Variants in DOK6 observed in about 807,000 individuals in gnomAD.
DOK6 encodes downstream of tyrosine kinase 6.
A neutral mutation model predicts 44.0 loss-of-function variants in DOK6; 22 were observed. The observed-to-expected ratio is 0.50, with a 90% confidence interval of 0.36 to 0.71. DOK6 has a LOEUF of 0.71. Ranked by LOEUF, DOK6 falls within the 30% of genes least tolerant of loss-of-function variation. The probability of loss-of-function intolerance (pLI) is 0.00; values close to 1 mark genes in which losing one functional copy is unlikely to be tolerated. For synonymous variants in DOK6, 166 were observed against 145.5 expected (o/e 1.14, Z -1.01); for missense variants, 340 against 416.4 (o/e 0.82, Z 1.60).
chr18:69,641,438 T>A (rs907044057), intron 3 of DOK6, among the ~76,000 whole-genome samples: 2 of 152,110 alleles, frequency 1.3e-5, no homozygotes, highest in Non-Finnish European at 2.9e-5. Context: ...ATTGGAAAAA[T>A]TGGATAAAAA....
intron 2 of DOK6, among the ~76,000 whole-genome samples, chr18:69,578,601 T>C (rs2050696149): frequency 6.6e-6 from 1 of 152,238 alleles, no homozygotes; most frequent in African/African-American, 2.4e-5. Context: ...TTAGATCCAA[T>C]GCTTTTCATT....
At chr18:69,602,534 T>C (rs1204354466) in intron 3 of DOK6, among the ~76,000 whole-genome samples, 2 of 152,174 alleles carry the variant, frequency 1.3e-5, no homozygotes, top group Non-Finnish European at 2.9e-5. Context: ...AAGAGGACAA[T>C]AAGTAAACAC....
intron 1 of DOK6, among the ~76,000 whole-genome samples, chr18:69,530,684 C>G (rs911005496): frequency 3.9e-5 from 6 of 152,114 alleles, no homozygotes; most frequent in Admixed American, 6.5e-5. Context: ...TTACTTCCAA[C>G]TATGTGGTCA....
At chr18:69,603,299 C>T (rs1261879098) in intron 3 of DOK6, among the ~76,000 whole-genome samples, 1 of 152,178 alleles carries the variant, frequency 6.6e-6, no homozygotes, top group Non-Finnish European at 1.5e-5. Flanking sequence ...ACACTGATTT[C>T]ATAGCGCAAA....
At chr18:69,606,340 A>C (rs1343122650) in intron 3 of DOK6, among the ~76,000 whole-genome samples, 1 of 151,624 alleles carries the variant, frequency 6.6e-6, no homozygotes, top group Non-Finnish European at 1.5e-5. Context: ...TTCCCAAGGA[A>C]TTCTAAAATT....
intron 5 of DOK6, among the ~76,000 whole-genome samples, chr18:69,721,749 A>G (rs1051362919): frequency 1.3e-5 from 2 of 152,230 alleles, no homozygotes; most frequent in African/African-American, 4.8e-5. Flanking sequence ...TATTTCATAC[A>G]TTAATGAGAA....
intron 2 of DOK6, among the ~76,000 whole-genome samples, chr18:69,594,835 AAAAG>A (rs1204001972): frequency 2.0e-5 from 3 of 152,228 alleles, no homozygotes; most frequent in Admixed American, 2.0e-4. Context: ...ACGTGAAAAA[AAAAG>A]AAAAGAAAAA....
intron 7 of DOK6, among the ~76,000 whole-genome samples, chr18:69,781,919 G>A (rs991906717): frequency 6.6e-6 from 1 of 152,012 alleles, no homozygotes; most frequent in Non-Finnish European, 1.5e-5. Flanking sequence ...GCAAAAGAGA[G>A]ATTTCATTAA....
chr18:69,848,918 T>C lies in DOK6; in HGVS notation c.*7535T>C, dbSNP rs2145148248. 1 of 152,324 alleles carries C rather than the reference T, an allele frequency of 6.6e-6. No homozygotes were observed. The highest frequency in any genetic ancestry group is 2.4e-5 in the African/African-American group (1 of 41,572). 9.4% of individuals were successfully genotyped at this position (152,324 alleles called of 1,614,324 possible). A position where few individuals can be genotyped will look rare whatever the true frequency, so the allele number is the denominator to read the frequency against. ...TTATTTCATAAAGCTAACACTGTAATATTACTTGGTTTTCTTATACTTTTG... is the reference window on the plus strand; with the variant it reads ...TTATTTCATAAAGCTAACACTGTAACATTACTTGGTTTTCTTATACTTTTG... On this transcript the variant is annotated 3_prime_UTR_variant, in exon 8 of 8. Coordinates refer to ENST00000382713, the MANE Select transcript of DOK6 (RefSeq NM_152721.6).
intron 4 of DOK6, among the ~76,000 whole-genome samples, chr18:69,683,384 A>G (rs1446065808): frequency 6.6e-6 from 1 of 152,228 alleles, no homozygotes; most frequent in African/African-American, 2.4e-5. Context: ...ATAACTTAGA[A>G]TGTGAATTTA....
intron 2 of DOK6, among the ~76,000 whole-genome samples, chr18:69,575,015 GT>G (rs1568300815): frequency 6.6e-6 from 1 of 152,042 alleles, no homozygotes; most frequent in East Asian, 1.9e-4. Flanking sequence ...TGGATACAGT[GT>G]ACACCCTTCA....
chr18:69,484,915 A>G (rs185668917), intron 1 of DOK6, among the ~76,000 whole-genome samples: 1 of 152,172 alleles, frequency 6.6e-6, no homozygotes, highest in Non-Finnish European at 1.5e-5. Context: ...ACTTGTTTAT[A>G]GTTAAGAGAG....
intron 1 of DOK6, among the ~76,000 whole-genome samples, chr18:69,410,658 T>C (rs1270330600): frequency 2.0e-5 from 3 of 152,240 alleles, no homozygotes; most frequent in Admixed American, 6.5e-5. Context: ...CTGAGGACTT[T>C]CCAGGCTCTC....
At chr18:69,704,494 T>TC (rs1422672284) in intron 5 of DOK6, among the ~76,000 whole-genome samples, 2,739 of 147,370 alleles carry the variant, frequency 0.019, 97 homozygotes, top group African/African-American at 0.066. Context: ...TTTTTTTTTT[T>TC]TGGAGACGGA....
At chr18:69,539,486 C>T (rs1346739981) in intron 1 of DOK6, among the ~76,000 whole-genome samples, 5 of 133,056 alleles carry the variant, frequency 3.8e-5, no homozygotes, top group Non-Finnish European at 6.3e-5. Flanking sequence ...TTTTTTTCCA[C>T]ATATAGTGAT....
intron 1 of DOK6, among the ~76,000 whole-genome samples, chr18:69,554,206 G>A (rs574207445): frequency 1.4e-4 from 21 of 152,272 alleles, no homozygotes; most frequent in African/African-American, 4.8e-4. Context: ...TAGTGTACAT[G>A]CGAATTATAT....
intron 1 of DOK6, chr18:69,469,969 C>A (rs961318995): frequency 2.1e-5 from 4 of 191,648 alleles, no homozygotes; most frequent in South Asian, 7.1e-5. Context: ...AACCGAGTGT[C>A]CGATCTCCCC....
At chr18:69,690,380 T>C (rs549687801) in intron 4 of DOK6, among the ~76,000 whole-genome samples, 26 of 152,316 alleles carry the variant, frequency 1.7e-4, no homozygotes, top group Admixed American at 5.2e-4. Context: ...GTTCTACAAA[T>C]TTTGACAAGC....
chr18:69,652,101 T>C (rs1014639414), intron 3 of DOK6, among the ~76,000 whole-genome samples: 2 of 152,192 alleles, frequency 1.3e-5, no homozygotes, highest in Admixed American at 6.5e-5. Flanking sequence ...ACACACAGCT[T>C]GTGGAAAAAT....
Sources: allele counts gnomAD v4.1 joint callset (sites outside exome capture counted in the v4.1 genomes callset), GRCh38; gene constraint gnomAD v4.1.1; transcripts MANE v1.5; gene names NCBI Gene and HGNC (gene_info 2026-07-23, HGNC 2026-07-21).